Variants in PCDH17 observed in about 807,000 individuals in gnomAD.
PCDH17 encodes the protein protocadherin 17, also known as protocadherin-17.
In PCDH17, 21 loss-of-function variants were observed where a neutral mutation model predicts 67.7. The observed-to-expected ratio is 0.31, with a 90% CI of 0.22 to 0.45. The LOEUF (loss-of-function observed/expected upper bound fraction) is 0.45. Ranked by LOEUF, PCDH17 falls within the 20% of genes least tolerant of loss-of-function variation. PCDH17 has a pLI of 1.00. For missense variants in PCDH17, 1,471 were observed against 1,564.8 expected, an observed-to-expected ratio of 0.94 and a Z score of 1.01; for synonymous variants, 701 against 656.7, an observed-to-expected ratio of 1.07 and a Z score of -1.03.
chr13:57,666,071 A>G (rs1373596458), intron 1 of PCDH17, among the ~76,000 whole-genome samples: 1 of 152,180 alleles, frequency 6.6e-6, no homozygotes, highest in Admixed American at 6.6e-5. Context: ...ATCCCAGTAG[A>G]TGATGTAATT....
rs1256420848 is a variant in PCDH17, at chr13:57,642,120, A to G, written c.2565+7009A>G. ...AAGTTGTATGAAAAATGCCAAGGTA[A>G]AGATAAATATAATTTTGTAAACTTC... On this transcript the variant is annotated intron_variant, in intron 1 of 3. Coordinates refer to ENST00000377918, the MANE Select transcript of PCDH17 (RefSeq NM_001040429.3). Among the ~76,000 whole-genome samples, 3 of 151,898 alleles carry G rather than the reference A, an allele frequency of 2.0e-5. No homozygotes were observed. In the East Asian group the frequency reaches 5.8e-4, roughly 29 times the overall value.
intron 3 of PCDH17, 67 bp downstream of exon 3, chr13:57,666,900 T>G: frequency 3.2e-6 from 4 of 1,261,808 alleles, no homozygotes; most frequent in East Asian, 2.4e-5. Flanking sequence ...CTATTAGATC[T>G]AGAGTTGCAG....
chr13:57,638,485 T>C (rs1241987218), intron 1 of PCDH17, among the ~76,000 whole-genome samples: 1 of 152,060 alleles, frequency 6.6e-6, no homozygotes, highest in South Asian at 2.1e-4. Context: ...ATCATTTTAA[T>C]ATGCTCTCAT....
intron 1 of PCDH17, among the ~76,000 whole-genome samples, chr13:57,639,204 T>A (rs887323622): frequency 3.9e-5 from 6 of 151,970 alleles, no homozygotes; most frequent in Non-Finnish European, 2.9e-5. Flanking sequence ...AAAGGTAGAA[T>A]GAGTAATTCC....
intron 1 of PCDH17, among the ~76,000 whole-genome samples, chr13:57,659,103 T>TTTTG (rs374114309): frequency 7.2e-6 from 1 of 139,852 alleles, no homozygotes; most frequent in Admixed American, 6.8e-5. Context: ...GTTATTTATA[T>TTTTG]TGTGTGTGTG....
intron 1 of PCDH17, among the ~76,000 whole-genome samples, chr13:57,642,127 A>G (rs1954913973): frequency 6.6e-6 from 1 of 151,790 alleles, no homozygotes; most frequent in Non-Finnish European, 1.5e-5. Flanking sequence ...GTAAAGATAA[A>G]TATAATTTTG....
At chr13:57,673,627 G>A (rs1454941050) in intron 3 of PCDH17, among the ~76,000 whole-genome samples, 1 of 151,902 alleles carries the variant, frequency 6.6e-6, no homozygotes, top group Non-Finnish European at 1.5e-5. Flanking sequence ...TCTTAGGAAG[G>A]AAATAGAAAA....
At chr13:57,665,169 T>G (rs1955234113) in intron 1 of PCDH17, among the ~76,000 whole-genome samples, 1 of 129,962 alleles carries the variant, frequency 7.7e-6, no homozygotes, top group Admixed American at 7.1e-5. Flanking sequence ...ATTAAGAAAT[T>G]TGTGGGGGGG....
At chr13:57,642,258 C>A (rs1954915574) in intron 1 of PCDH17, among the ~76,000 whole-genome samples, 1 of 151,592 alleles carries the variant, frequency 6.6e-6, no homozygotes, top group East Asian at 1.9e-4. Flanking sequence ...ATTTAAAGGA[C>A]CATTTCTTGT....
chr13:57,652,053 T>TG (rs1346920458), intron 1 of PCDH17, among the ~76,000 whole-genome samples: 2 of 147,298 alleles, frequency 1.4e-5, no homozygotes, highest in African/African-American at 5.0e-5. Flanking sequence ...CTGAGGCGGG[T>TG]GGATCATGAG....
intron 3 of PCDH17, among the ~76,000 whole-genome samples, chr13:57,694,339 C>A (rs1224086617): frequency 6.6e-6 from 1 of 151,152 alleles, no homozygotes. Context: ...CAATACCTTG[C>A]ATACTTACCA....
At chr13:57,711,695 G>A (rs1451196494) in intron 3 of PCDH17, among the ~76,000 whole-genome samples, 2 of 151,414 alleles carry the variant, frequency 1.3e-5, no homozygotes, top group Non-Finnish European at 3.0e-5. Flanking sequence ...GCTACTGAAT[G>A]TAATTTTGCA....
Position 57,632,437 on chromosome 13 carries a change from C to G in PCDH17, c.-110C>G, listed in dbSNP as rs528309365. The G allele has an allele frequency of 2.4e-4, 274 of 1,119,458 alleles. No individual in the cohort carries two copies. Among genetic ancestry groups the G allele is most frequent in the Admixed American group, 3.1e-4 (12 of 38,632 alleles). 69.3% of individuals were successfully genotyped at this position (1,119,458 alleles called of 1,614,324 possible). On this transcript the variant is annotated 5_prime_UTR_variant, in exon 1 of 4. Coordinates refer to ENST00000377918, the MANE Select transcript of PCDH17 (RefSeq NM_001040429.3). The stretch of plus-strand genomic sequence containing the variant: ...GCAGAGGGAAAAAAGGACCCATAGA[C>G]TTGTGGCTCGCGTCGCGCGCGCACG...
chr13:57,698,120 A>G (rs1418463612), intron 3 of PCDH17, among the ~76,000 whole-genome samples: 1 of 151,502 alleles, frequency 6.6e-6, no homozygotes, highest in Non-Finnish European at 1.5e-5. Flanking sequence ...TTTTACCTGG[A>G]CCTAATGTAT....
intron 1 of PCDH17, among the ~76,000 whole-genome samples, chr13:57,636,895 C>T (rs1954830619): frequency 6.6e-6 from 1 of 151,976 alleles, no homozygotes; most frequent in African/African-American, 2.4e-5. Flanking sequence ...ATTTAGTTTC[C>T]AGTAAAAATG....
rs948804299 is a variant in PCDH17 at position 57,654,387 on chromosome 13, T to C, written c.2566-12081T>C. On this transcript the variant is annotated intron_variant, in intron 1 of 3. Transcript: ENST00000377918. ...CCATTGTTGTAAAGCATGACTGTTA[T>C]TGATATTTCTTAAGTTTTTTTTTTC... Among the ~76,000 whole-genome samples, 42 of 144,316 alleles carry C rather than the reference T, an allele frequency of 2.9e-4. 1 individual carries two copies. The highest frequency in any genetic ancestry group is 1.5e-3 in the Admixed American group (22 of 15,024). 94.7% of individuals were successfully genotyped at this position (144,316 alleles called of 152,430 possible).
At chr13:57,669,691 A>G (rs866767537) in intron 3 of PCDH17, among the ~76,000 whole-genome samples, 1 of 152,136 alleles carries the variant, frequency 6.6e-6, no homozygotes, top group African/African-American at 2.4e-5. Context: ...CATATAAAAA[A>G]TAAGCTAACT....
chr13:57,700,507 C>CG (rs1395258372), intron 3 of PCDH17, among the ~76,000 whole-genome samples: 2 of 151,684 alleles, frequency 1.3e-5, no homozygotes, highest in African/African-American at 4.8e-5. Flanking sequence ...TTAGTAGAGA[C>CG]GGGGTTTCAT....
At chr13:57,678,389 G>A (rs981188676) in intron 3 of PCDH17, among the ~76,000 whole-genome samples, 1 of 151,442 alleles carries the variant, frequency 6.6e-6, no homozygotes, top group Admixed American at 6.6e-5. Context: ...GATCCAGTTA[G>A]GAGGAAATAT....
Sources: gnomAD v4.1 joint callset for allele counts (sites outside exome capture counted in the v4.1 genomes callset) on GRCh38, gnomAD v4.1.1 for gene constraint, MANE v1.5 for transcripts, NCBI Gene and HGNC (gene_info 2026-07-23, HGNC 2026-07-21) for gene names.